The following PLXNC1 variants were observed in gnomAD, a reference collection of about 807,000 sequenced individuals.
PLXNC1 encodes the protein plexin C1.
Under a neutral mutation model 178.2 loss-of-function variants are expected in PLXNC1, and 75 were observed. The ratio of observed to expected loss-of-function variants is 0.42; its 90% CI spans 0.35 to 0.51. The LOEUF (loss-of-function observed/expected upper bound fraction) is 0.51. PLXNC1 is among the 20% of genes least tolerant of loss of function. The probability of loss-of-function intolerance (pLI) is 0.02; values close to 1 mark genes in which losing one functional copy is unlikely to be tolerated. For synonymous variants in PLXNC1, 790 were observed against 779.9 expected (o/e 1.01, Z -0.22); for missense variants, 1,503 against 1,984.4 (o/e 0.76, Z 4.61).
intron 4 of PLXNC1, among the ~76,000 whole-genome samples, chr12:94,204,970 A>G (rs1963256979): frequency 6.6e-6 from 1 of 152,204 alleles, no homozygotes; most frequent in East Asian, 1.9e-4. Flanking sequence ...AGATTCCTTC[A>G]GGGACTGTCT....
intron 1 of PLXNC1, among the ~76,000 whole-genome samples, chr12:94,152,875 A>T (rs2135916639): frequency 6.6e-6 from 1 of 152,324 alleles, no homozygotes; most frequent in South Asian, 2.1e-4. Flanking sequence ...GCAGTGATTT[A>T]CGAGATGCTT....
chr12:94,199,205 A>G (rs984732548), intron 4 of PLXNC1, among the ~76,000 whole-genome samples: 6 of 152,180 alleles, frequency 3.9e-5, no homozygotes, highest in African/African-American at 7.2e-5. Context: ...CTATTGCACT[A>G]TTGAGTGGAA....
Position 94,303,730 on chromosome 12 carries a change from TG to T in PLXNC1, c.4387-25del, listed in dbSNP as rs750364507. 990 of 1,333,926 alleles carry T rather than the reference TG, an allele frequency of 7.4e-4. 2 individuals are homozygous for T. In the African/African-American group the frequency reaches 8.4e-3, roughly 11 times the overall value. 82.6% of individuals were successfully genotyped at this position (1,333,926 alleles called of 1,614,324 possible). ...TTTTTTTTACTCTTTTGGTGATGGT[TG>T]CTTTTTTTTTTTTTTTTTCCCCAGG... On this transcript the variant is annotated intron_variant, in intron 28 of 30. Coordinates refer to ENST00000258526, the MANE Select transcript of PLXNC1 (RefSeq NM_005761.3).
At chr12:94,286,744 C>G (rs74439629) in intron 23 of PLXNC1, among the ~76,000 whole-genome samples, 1 of 151,946 alleles carries the variant, frequency 6.6e-6, no homozygotes, top group Non-Finnish European at 1.5e-5. Flanking sequence ...TCTGTAGTGA[C>G]GGCCAGTTCC....
intron 27 of PLXNC1, among the ~76,000 whole-genome samples, chr12:94,299,484 T>C (rs1968249609): frequency 6.6e-6 from 1 of 152,172 alleles, no homozygotes; most frequent in Non-Finnish European, 1.5e-5. Flanking sequence ...CTGAAGTTCC[T>C]CTAGGTCTAA....
intron 3 of PLXNC1, among the ~76,000 whole-genome samples, chr12:94,182,408 A>G (rs1420354724): frequency 8.3e-6 from 1 of 119,778 alleles, no homozygotes; most frequent in Admixed American, 1.0e-4. Flanking sequence ...ATGGAGCAAG[A>G]CCCTGTCTCA....
At chr12:94,235,233 C>T (rs1490599912) in intron 9 of PLXNC1, among the ~76,000 whole-genome samples, 4 of 152,016 alleles carry the variant, frequency 2.6e-5, no homozygotes, top group Admixed American at 2.0e-4. Context: ...AGTAGCAAGG[C>T]GGTCTCCACT....
intron 23 of PLXNC1, among the ~76,000 whole-genome samples, chr12:94,287,923 C>T (rs146876921): frequency 2.4e-4 from 37 of 152,354 alleles, no homozygotes; most frequent in African/African-American, 8.9e-4. Flanking sequence ...TGAATACTAT[C>T]AGCCCCATTC....
chr12:94,220,182 G>A lies in PLXNC1; in HGVS notation c.1702+19G>A. 3 of 1,603,472 alleles carry A rather than the reference G, an allele frequency of 1.9e-6. No homozygotes were observed. The highest frequency in any genetic ancestry group is 2.6e-6 in the Non-Finnish European group (3 of 1,174,638). ...TACAAAGGTATGTGGATTCTTCTGG[G>A]TTATTTTTGTTATAAAATCAAAAAA... is the stretch of plus-strand genomic sequence containing the variant. On this transcript the variant is annotated intron_variant, in intron 6 of 30. Coordinates refer to ENST00000258526, the MANE Select transcript of PLXNC1 (RefSeq NM_005761.3).
intron 2 of PLXNC1, among the ~76,000 whole-genome samples, chr12:94,171,938 C>A (rs897227463): frequency 6.6e-6 from 1 of 152,212 alleles, no homozygotes; most frequent in Non-Finnish European, 1.5e-5. Context: ...CAGTAATGCC[C>A]AAGCCTCTCC....
At position 94,255,167 on chromosome 12, in the gene PLXNC1, A is replaced by G. The variant is rs982448330; in HGVS notation, c.2984-26A>G. ...TATCCATTGTTTGTTGAGTTAAAAT[A>G]TTGCTCTTGGGATTCTGTTTTGCAG... On this transcript the variant is annotated intron_variant, in intron 16 of 30. Coordinates refer to ENST00000258526, the MANE Select transcript of PLXNC1 (RefSeq NM_005761.3). 1.3e-5 allele frequency: 20 copies of G among 1,542,930 alleles called. No individual in the cohort carries two copies. The Admixed American group carries it at 1.8e-4, about 14-fold the overall frequency.
At chr12:94,199,576 C>T (rs1290583265) in intron 4 of PLXNC1, among the ~76,000 whole-genome samples, 1 of 152,166 alleles carries the variant, frequency 6.6e-6, no homozygotes, top group African/African-American at 2.4e-5. Context: ...GGCTTTCCAA[C>T]ACCAGAAGGG....
rs774890735 is a variant in PLXNC1, at chr12:94,209,698, A to T, written c.1548A>T (p.Lys516Asn). 1 of 1,573,910 alleles carries T rather than the reference A, an allele frequency of 6.4e-7. No individual in the cohort carries two copies. The highest frequency in any genetic ancestry group is 8.7e-7 in the Non-Finnish European group (1 of 1,143,544). ...AAATTCAGATAATTCGAAGCAGTAA[A>T]GAAAAGGTAAGAGGAAAGATTTTAA... ...CPKIQIIRSS[K>N]EKTTVTMVGS... The change falls in exon 5 of 31, where the codon AAA becomes AAT. Residue 516 changes from lysine (K) to asparagine (N), a missense_variant. Physicochemically the swap from Lys to Asn is moderately conservative, Grantham distance 94. This residue lies in a region of PLXNC1 where 615 missense variants were observed against 698.6 expected (regional missense o/e 0.88). Transcript: ENST00000258526.
intron 5 of PLXNC1, among the ~76,000 whole-genome samples, chr12:94,215,098 A>G (rs536014274): frequency 6.6e-6 from 1 of 152,144 alleles, no homozygotes; most frequent in African/African-American, 2.4e-5. Flanking sequence ...GAGTTTCACC[A>G]TGTTGGCCAG....
In PLXNC1 at chr12:94,149,581, G is replaced by A. The variant is rs1361191551; in HGVS notation, c.610G>A (p.Ala204Thr). 1 of 1,568,684 alleles carries A rather than the reference G, an allele frequency of 6.4e-7. No homozygotes were observed. ...CNPAASDHDT[A>T]IALKDTEGRS... ...CCCCGCGGCATCCGACCACGACACG[G>A]CCATCGCGCTCAAGGACACGGAGGG... Residue 204 changes from alanine to threonine, a missense_variant, in exon 1 of 31, where the codon GCC (alanine) becomes ACC (threonine). Around this residue, in one of 4 missense-constraint regions of PLXNC1, gnomAD observed 615 missense variants for 698.6 expected, o/e 0.88. Transcript: ENST00000258526.
At chr12:94,218,710 C>G (rs1180821573) in intron 5 of PLXNC1, among the ~76,000 whole-genome samples, 1 of 152,092 alleles carries the variant, frequency 6.6e-6, no homozygotes, top group African/African-American at 2.4e-5. Context: ...CACACACACA[C>G]ACACACGTAC....
chr12:94,148,937 CGCGCGCCCT>C lies in PLXNC1; in HGVS notation c.-32_-24del. 1.1e-6 allele frequency: 1 copy of C among 929,592 alleles called. No homozygotes were observed. The highest frequency in any genetic ancestry group is 1.4e-6 in the Non-Finnish European group (1 of 726,046). The allele number at this position is 929,592 out of a possible 1,614,324, so 57.6% of individuals were successfully genotyped here. ...CGCGCGCCTGAGCCGCCGTCGCCGC[CGCGCGCCCT>C]GCCCGGGGGCGGCCCCCCCAGCCCC... On this transcript the variant is annotated 5_prime_UTR_variant, in exon 1 of 31. Transcript: ENST00000258526. The surrounding 1 kb of genome is among the most constrained non-coding windows in gnomAD (Gnocchi z 4.8).
At chr12:94,273,429 G>A (rs1965707675) in intron 21 of PLXNC1, among the ~76,000 whole-genome samples, 1 of 152,108 alleles carries the variant, frequency 6.6e-6, no homozygotes, top group Non-Finnish European at 1.5e-5. Flanking sequence ...TTAGAGACTG[G>A]AAGCCAAGTG....
intron 1 of PLXNC1, among the ~76,000 whole-genome samples, chr12:94,153,888 G>C (rs1480339309): frequency 6.6e-6 from 1 of 152,216 alleles, no homozygotes; most frequent in Admixed American, 6.5e-5. Context: ...TGACATCCCA[G>C]TTCCACTTGG....
Sources: gnomAD v4.1 joint callset for allele counts (sites outside exome capture counted in the v4.1 genomes callset) on GRCh38, gnomAD v4.1.1 for gene constraint, gnomAD v4.1.1 regional missense constraint, Gnocchi (gnomAD v3.1) non-coding constraint, MANE v1.5 for transcripts, NCBI Gene and HGNC (gene_info 2026-07-23, HGNC 2026-07-21) for gene names.